COL28A1: variants seen among roughly 807,000 people sequenced by gnomAD.
COL28A1 encodes collagen alpha-1(XXVIII) chain.
In COL28A1, 161 loss-of-function variants were observed where a neutral mutation model predicts 150.2. The ratio of observed to expected loss-of-function variants is 1.07; its 90% CI spans 0.94 to 1.22. The LOEUF (loss-of-function observed/expected upper bound fraction) is 1.22. COL28A1 is among the 50% of genes most tolerant of loss of function. The pLI is 0.00. For synonymous variants in COL28A1, 552 were observed against 469.7 expected (o/e 1.18, Z -2.26); for missense variants, 1,617 against 1,388.3 (o/e 1.16, Z -2.62).
chr7:7,543,517 G>C, the COL28A1 span, among the ~76,000 whole-genome samples: 2 of 152,234 alleles, frequency 1.3e-5, no homozygotes, highest in Admixed American at 1.3e-4. Flanking sequence ...ATTTGTAGCA[G>C]ATTTCTATTG....
At chr7:7,537,474 T>C (rs1782684860), upstream of COL28A1, among the ~76,000 whole-genome samples, 1 of 152,220 alleles carries the variant, frequency 6.6e-6, no homozygotes, top group South Asian at 2.1e-4. Flanking sequence ...GGACCCCTTG[T>C]ACTTAGTAGA....
chr7:7,372,041 C>T (rs1781253697), intron 32 of COL28A1, among the ~76,000 whole-genome samples: 1 of 151,942 alleles, frequency 6.6e-6, no homozygotes, highest in African/African-American at 2.4e-5. Flanking sequence ...CCATGCTGGC[C>T]AGGCTGGTCT....
Position 7,507,130 on chromosome 7 carries a change from G to A in COL28A1, c.959C>T (p.Pro320Leu). ...GSPGPYGPKG[P>L]RGIQGITGPP... Reference sequence around the variant, plus strand: ...TAACCCCCTTACCTGAATTCCTCTGGGTCCCTTTGGTCCATATGGCCCTGG... The same window carrying A: ...TAACCCCCTTACCTGAATTCCTCTGAGTCCCTTTGGTCCATATGGCCCTGG... Residue 320 changes from proline to leucine, a missense_variant, in exon 10 of 35, where the codon CCC becomes CTC. Coordinates refer to ENST00000399429, the MANE Select transcript of COL28A1 (RefSeq NM_001037763.3). 1.6e-6 allele frequency: 2 copies of A among 1,282,108 alleles called. No individual in the cohort carries two copies. The highest frequency in any genetic ancestry group is 2.3e-6 in the Non-Finnish European group (2 of 878,802). 79.4% of individuals were successfully genotyped at this position (1,282,108 alleles called of 1,614,324 possible). A position where few individuals can be genotyped will look rare whatever the true frequency, so the allele number is the denominator to read the frequency against.
chr7:7,501,769 G>A (rs1259185098), intron 11 of COL28A1, among the ~76,000 whole-genome samples: 2 of 152,162 alleles, frequency 1.3e-5, no homozygotes, highest in African/African-American at 4.8e-5. Context: ...GGGTTTTTAG[G>A]GGTTCAGTCT....
At chr7:7,361,065 G>A (rs1020506177) in intron 33 of COL28A1, among the ~76,000 whole-genome samples, 2 of 151,338 alleles carry the variant, frequency 1.3e-5, no homozygotes, top group African/African-American at 2.4e-5. Context: ...AACAATAGTG[G>A]CCACTTTTTG....
At chr7:7,460,009 C>G (rs1052512313) in intron 15 of COL28A1, among the ~76,000 whole-genome samples, 12 of 152,196 alleles carry the variant, frequency 7.9e-5, no homozygotes, top group African/African-American at 2.4e-4. Context: ...TCCATTTGTC[C>G]CAACTTCTAG....
chr7:7,364,710 T>G (rs1780842669), intron 33 of COL28A1, among the ~76,000 whole-genome samples: 1 of 152,144 alleles, frequency 6.6e-6, no homozygotes, highest in African/African-American at 2.4e-5. Flanking sequence ...AACCCTAAGA[T>G]GGGTAGAGGA....
At chr7:7,362,827 T>G (rs1780739365) in intron 33 of COL28A1, among the ~76,000 whole-genome samples, 1 of 152,166 alleles carries the variant, frequency 6.6e-6, no homozygotes, top group African/African-American at 2.4e-5. Flanking sequence ...CTAGAGAATT[T>G]AAAGCTAGAG....
intron 1 of COL28A1, among the ~76,000 whole-genome samples, chr7:7,534,824 C>T (rs558450621): frequency 2.6e-5 from 4 of 152,136 alleles, no homozygotes; most frequent in South Asian, 2.1e-4. Flanking sequence ...ATATTTTGTT[C>T]TTATTTGCTC....
intron 25 of COL28A1, among the ~76,000 whole-genome samples, chr7:7,425,810 C>T (rs6947175): frequency 0.24 from 35,922 of 152,138 alleles, 6,366 homozygotes; most frequent in African/African-American, 0.5. Flanking sequence ...GGAGACTAAA[C>T]GACTTGCTGA....
At chr7:7,534,149 G>A (rs563320444) in intron 1 of COL28A1, among the ~76,000 whole-genome samples, 11 of 152,172 alleles carry the variant, frequency 7.2e-5, no homozygotes, top group Non-Finnish European at 1.2e-4. Flanking sequence ...TCATGCCACA[G>A]TCTGCTCCTC....
chr7:7,475,374 A>ACACC (rs1299608613), intron 14 of COL28A1, among the ~76,000 whole-genome samples: 1 of 152,208 alleles, frequency 6.6e-6, no homozygotes, highest in Non-Finnish European at 1.5e-5. Flanking sequence ...CATACAGAGA[A>ACACC]CACCCATTGG....
chr7:7,499,508 C>T (rs532098044), intron 11 of COL28A1, among the ~76,000 whole-genome samples: 3 of 152,228 alleles, frequency 2.0e-5, no homozygotes, highest in African/African-American at 7.2e-5. Context: ...ATTAATTATT[C>T]TTTACCAAGA....
At chr7:7,430,906 C>A (rs1784925068) in intron 25 of COL28A1, among the ~76,000 whole-genome samples, 2 of 152,332 alleles carry the variant, frequency 1.3e-5, no homozygotes, top group African/African-American at 4.8e-5. Context: ...TTCATCGAAG[C>A]ACCTCGGGTT....
chr7:7,382,180 C>T (rs570312839), intron 27 of COL28A1, among the ~76,000 whole-genome samples: 26 of 152,022 alleles, frequency 1.7e-4, no homozygotes, highest in South Asian at 6.2e-4. Context: ...CATGGTGGTG[C>T]GCACCTGTAG....
chr7:7,373,551 A>ATGCATTTGTTG lies in COL28A1; in HGVS notation c.2360-6_2360-5insCAACAAATGCA, dbSNP rs1399164776. On this transcript the variant is annotated splice_polypyrimidine_tract_variant and splice_region_variant and intron_variant, in intron 31 of 34. Transcript: ENST00000399429. The surrounding 1 kb of genome is among the most constrained non-coding windows in gnomAD (Gnocchi z 4.1). Reference sequence around the variant, plus strand: ...CTTTGCATTTGGGCCCACAACCTAAAAGATGAATGTTGAGAGAGAAAAATT... The same window carrying ATGCATTTGTTG: ...CTTTGCATTTGGGCCCACAACCTAAATGCATTTGTTGAGATGAATGTTGAGAGAGAAAAATT... 5.0e-6 allele frequency: 8 copies of ATGCATTTGTTG among 1,603,848 alleles called. No individual in the cohort carries two copies. Among genetic ancestry groups the ATGCATTTGTTG allele is most frequent in the Non-Finnish European group, 6.8e-6 (8 of 1,175,038 alleles).
At chr7:7,399,261 G>A (rs1457979190) in intron 27 of COL28A1, among the ~76,000 whole-genome samples, 2 of 152,108 alleles carry the variant, frequency 1.3e-5, no homozygotes, top group African/African-American at 4.8e-5. Flanking sequence ...GCAAGTCCCA[G>A]CCTCCCAAAC....
At chr7:7,400,667 TATA>T (rs1302590006) in intron 27 of COL28A1, among the ~76,000 whole-genome samples, 3 of 144,584 alleles carry the variant, frequency 2.1e-5, no homozygotes, top group Non-Finnish European at 4.4e-5. Flanking sequence ...GCATACAACA[TATA>T]ATAATATCTC....
rs1042760637 is a variant in COL28A1, at chr7:7,458,443, CAAACAAAA to C, written c.1303-2339_1303-2332del. ...AAAAAAAAACAAAACAAAAAACAAACAAACAAAAAAAACAAACAAAAAGAAAAGAAAAA... is the reference window on the plus strand; with the variant it reads ...AAAAAAAAACAAAACAAAAAACAAACAAAACAAACAAAAAGAAAAGAAAAA... On this transcript the variant is annotated intron_variant, in intron 15 of 34. Transcript: ENST00000399429. Among the ~76,000 whole-genome samples, 28 of 151,194 alleles carry C rather than the reference CAAACAAAA, an allele frequency of 1.9e-4. 2 individuals carry two copies. The highest frequency in any genetic ancestry group is 6.3e-4 in the African/African-American group (26 of 41,242).
Sources: gnomAD v4.1 joint callset for allele counts (sites outside exome capture counted in the v4.1 genomes callset) on GRCh38, gnomAD v4.1.1 for gene constraint, Gnocchi (gnomAD v3.1) non-coding constraint, MANE v1.5 for transcripts, NCBI Gene and HGNC (gene_info 2026-07-23, HGNC 2026-07-21) for gene names.